The following MB21D2 variants were observed in gnomAD, a reference collection of about 807,000 sequenced individuals.
The protein encoded by MB21D2 is nucleotidyltransferase MB21D2.
A neutral mutation model predicts 33.3 loss-of-function variants in MB21D2; 9 were observed. The observed-to-expected ratio is 0.27, with a 90% confidence interval of 0.16 to 0.47. The LOEUF is 0.47. Ranked by LOEUF, MB21D2 falls within the 20% of genes least tolerant of loss-of-function variation. The probability of loss-of-function intolerance (pLI) is 0.99; values close to 1 mark genes in which losing one functional copy is unlikely to be tolerated. For synonymous variants in MB21D2, 241 were observed against 236.3 expected (o/e 1.02, Z -0.18); for missense variants, 540 against 624.6 (o/e 0.86, Z 1.44).
intron 1 of MB21D2, among the ~76,000 whole-genome samples, chr3:192,912,435 G>A (rs751879311): frequency 1.1e-4 from 17 of 152,134 alleles, no homozygotes; most frequent in Admixed American, 3.3e-4. Context: ...TTGGGAGGCC[G>A]AGGTGGGTGG....
At position 192,798,935 on chromosome 3, in the gene MB21D2, G is replaced by C. The variant is rs750970504; in HGVS notation, c.927C>G (p.Ala309=). The C allele has an allele frequency of 1.7e-5, 27 of 1,613,744 alleles. No homozygotes were observed. The highest frequency in any genetic ancestry group is 2.2e-5 in the Non-Finnish European group (26 of 1,179,928). The stretch of plus-strand genomic sequence containing the variant: ...TGATGATGGCTTTGCAGGCCTGATA[G>C]GCCTGCATGAGGCTGCTGGAGATGC... ...KKCISSSLMQ[A]YQACKAIIIK... is the part of the protein sequence containing the mutation. Residue 309 remains alanine, a synonymous_variant, in exon 2 of 2, where the codon GCC becomes GCG. Transcript: ENST00000392452. This position sits in a 1 kb window ranked among gnomAD's most constrained non-coding sequence, Gnocchi z 4.8.
intron 1 of MB21D2, among the ~76,000 whole-genome samples, chr3:192,893,717 A>T (rs987974752): frequency 6.6e-6 from 1 of 152,180 alleles, no homozygotes; most frequent in South Asian, 2.1e-4. Context: ...AAACCAGTGC[A>T]TGATTCCCGT....
At chr3:192,811,098 G>T (rs1008394985) in intron 1 of MB21D2, among the ~76,000 whole-genome samples, 1 of 152,184 alleles carries the variant, frequency 6.6e-6, no homozygotes, top group Non-Finnish European at 1.5e-5. Flanking sequence ...TAATGCAAGA[G>T]AACTGACACC....
At chr3:192,824,477 A>G (rs1712125653) in intron 1 of MB21D2, among the ~76,000 whole-genome samples, 1 of 146,802 alleles carries the variant, frequency 6.8e-6, no homozygotes, top group African/African-American at 2.6e-5. Flanking sequence ...TAGCCATTAC[A>G]TGGTCTGATT....
At chr3:192,896,994 C>G (rs545115323) in intron 1 of MB21D2, among the ~76,000 whole-genome samples, 73 of 152,196 alleles carry the variant, frequency 4.8e-4, no homozygotes, top group African/African-American at 1.6e-3. Flanking sequence ...TAAAATGAAC[C>G]ATCAAGGTGA....
intron 1 of MB21D2, among the ~76,000 whole-genome samples, chr3:192,818,476 C>T (rs905618212): frequency 2.0e-5 from 3 of 152,220 alleles, no homozygotes; most frequent in African/African-American, 7.2e-5. Flanking sequence ...TACAGCAAGT[C>T]ACAGAGTTCT....
intron 1 of MB21D2, among the ~76,000 whole-genome samples, chr3:192,885,356 A>G (rs569371945): frequency 3.3e-5 from 5 of 152,160 alleles, no homozygotes; most frequent in African/African-American, 1.2e-4. Context: ...AAAATCCCAA[A>G]TCTTCTCCAT....
intron 1 of MB21D2, among the ~76,000 whole-genome samples, chr3:192,876,258 A>G (rs569082893): frequency 1.4e-4 from 21 of 152,270 alleles, no homozygotes; most frequent in African/African-American, 5.1e-4. Flanking sequence ...TTTTCTGAGA[A>G]TGACTCCACC....
intron 1 of MB21D2, among the ~76,000 whole-genome samples, chr3:192,898,642 C>T (rs1455915379): frequency 7.2e-5 from 11 of 152,226 alleles, no homozygotes; most frequent in African/African-American, 2.4e-4. Flanking sequence ...TGTTGATCTG[C>T]TTTTCAGGCA....
rs1166918954 is a variant in MB21D2 at position 192,797,616 on chromosome 3, A to G, written c.*770T>C. The G allele has an allele frequency of 6.5e-6, 1 of 152,676 alleles. No individual in the cohort carries two copies. The highest frequency in any genetic ancestry group is 1.9e-4 in the East Asian group (1 of 5,206). 9.5% of individuals were successfully genotyped at this position (152,676 alleles called of 1,614,324 possible). ...CACTTTGCAATTCTGACAATGGCAA[A>G]GATTAGTGCAAATAATAATTATAAT... On this transcript the variant is annotated 3_prime_UTR_variant, in exon 2 of 2. Transcript: ENST00000392452.
chr3:192,841,870 G>A (rs1384125085), intron 1 of MB21D2, among the ~76,000 whole-genome samples: 1 of 152,194 alleles, frequency 6.6e-6, no homozygotes, highest in Non-Finnish European at 1.5e-5. Context: ...TTGAAGGAAG[G>A]ATGAGTTTGT....
intron 1 of MB21D2, among the ~76,000 whole-genome samples, chr3:192,851,511 T>TG (rs1712805473): frequency 2.8e-5 from 4 of 143,844 alleles, no homozygotes; most frequent in African/African-American, 1.1e-4. Flanking sequence ...TTTTTTTTTT[T>TG]GGAGATGGAG....
chr3:192,828,266 T>C (rs898337511), intron 1 of MB21D2, among the ~76,000 whole-genome samples: 9 of 152,016 alleles, frequency 5.9e-5, no homozygotes, highest in African/African-American at 2.2e-4. Flanking sequence ...AGCCAAATTA[T>C]AGGTCAACAG....
chr3:192,899,179 G>C (rs568824957), intron 1 of MB21D2, among the ~76,000 whole-genome samples: 5 of 152,198 alleles, frequency 3.3e-5, no homozygotes, highest in Non-Finnish European at 5.9e-5. Context: ...TTATAGGAGA[G>C]GAAGCTAGAG....
chr3:192,868,958 T>G (rs986694399), intron 1 of MB21D2, among the ~76,000 whole-genome samples: 1 of 152,078 alleles, frequency 6.6e-6, no homozygotes, highest in Non-Finnish European at 1.5e-5. Context: ...ATACATTAAG[T>G]AATTAGGTAG....
intron 1 of MB21D2, among the ~76,000 whole-genome samples, chr3:192,913,459 T>C (rs949667320): frequency 6.6e-6 from 1 of 152,188 alleles, no homozygotes; most frequent in East Asian, 1.9e-4. Flanking sequence ...TCTTTTTTAG[T>C]TAGCAAAGTA....
Position 192,885,109 on chromosome 3 carries a change from C to T in MB21D2, c.211+32521G>A, listed in dbSNP as rs765106924. On this transcript the variant is annotated intron_variant, in intron 1 of 1. Transcript: ENST00000392452. ...TGTGAGGGAAATGAAATCATAATAG[C>T]AAGGGTTAGACTAAAGACAGACTTC... Among the ~76,000 whole-genome samples, 28 of 152,028 alleles carry T rather than the reference C, an allele frequency of 1.8e-4. 1 individual carries two copies. Among genetic ancestry groups the T allele is most frequent in the Non-Finnish European group, 3.5e-4 (24 of 68,028 alleles).
At chr3:192,873,206 CA>C (rs1713349969) in intron 1 of MB21D2, among the ~76,000 whole-genome samples, 1 of 152,122 alleles carries the variant, frequency 6.6e-6, no homozygotes, top group Non-Finnish European at 1.5e-5. Flanking sequence ...GCTGTATGCA[CA>C]ATTACTATTA....
intron 1 of MB21D2, among the ~76,000 whole-genome samples, chr3:192,904,434 T>C (rs190708349): frequency 1.3e-5 from 2 of 152,318 alleles, no homozygotes; most frequent in South Asian, 2.1e-4. Context: ...AAAATTTGAT[T>C]TATTCTCAAT....
Sources: allele counts gnomAD v4.1 joint callset (sites outside exome capture counted in the v4.1 genomes callset), GRCh38; gene constraint gnomAD v4.1.1; non-coding constraint Gnocchi (gnomAD v3.1); transcripts MANE v1.5; gene names NCBI Gene and HGNC (gene_info 2026-07-23, HGNC 2026-07-21).